Variants in ARID2 observed in about 807,000 individuals in gnomAD.
ARID2 encodes AT-rich interaction domain 2.
Under a neutral mutation model 184.6 loss-of-function variants are expected in ARID2, and 32 were observed. The ratio of observed to expected loss-of-function variants is 0.17; its 90% CI spans 0.13 to 0.23. The LOEUF is 0.23. Among genes scored for constraint, ARID2 ranks in the 10% least tolerant of loss-of-function variants. ARID2 has a pLI of 1.00. For synonymous variants in ARID2, 836 were observed against 772.6 expected (o/e 1.08, Z -1.36); for missense variants, 1,696 against 2,197.6 (o/e 0.77, Z 4.56).
rs955338992 is a variant in ARID2 at position 45,777,043 on chromosome 12, C to T, written c.285-34375C>T. On this transcript the variant is annotated intron_variant, in intron 3 of 20. Coordinates refer to ENST00000334344, the MANE Select transcript of ARID2 (RefSeq NM_152641.4). ...CTGGCCTCAAGTGATCCACCTGCCT[C>T]GGCTTCCCAAAGTGCTGGGATTACA... Among the ~76,000 whole-genome samples, 6 of 151,518 alleles carry T rather than the reference C, an allele frequency of 4.0e-5. 1 individual carries two copies. Among genetic ancestry groups the T allele is most frequent in the Non-Finnish European group, 5.9e-5 (4 of 67,914 alleles).
intron 6 of ARID2, among the ~76,000 whole-genome samples, chr12:45,831,042 CAA>C (rs768114802): frequency 3.4e-4 from 28 of 81,514 alleles, no homozygotes; most frequent in Admixed American, 4.1e-4. Flanking sequence ...GAGACTCTGT[CAA>C]AAAAAAAAAA....
At chr12:45,794,073 T>C (rs972359090) in intron 3 of ARID2, among the ~76,000 whole-genome samples, 2 of 152,206 alleles carry the variant, frequency 1.3e-5, no homozygotes, top group African/African-American at 4.8e-5. Context: ...TTCGAGGGTA[T>C]GTTCCAAGAC....
At position 45,850,616 on chromosome 12, in the gene ARID2, T is replaced by G. The variant is rs920506382; in HGVS notation, c.2493T>G (p.Thr831=). The G allele has an allele frequency of 5.0e-6, 8 of 1,614,032 alleles. No individual in the cohort carries two copies. The highest frequency in any genetic ancestry group is 6.8e-6 in the Non-Finnish European group (8 of 1,180,006). ...LITTSPQPVQ[T]SSQQTSAGSQ... Reference sequence around the variant, plus strand: ...CCACATCACCCCAACCTGTGCAAACTTCATCTCAACAGACATCAGCTGGTA... The same window carrying G: ...CCACATCACCCCAACCTGTGCAAACGTCATCTCAACAGACATCAGCTGGTA... Residue 831 remains threonine, a synonymous_variant, in exon 15 of 21, where the codon ACT becomes ACG. Coordinates refer to ENST00000334344, the MANE Select transcript of ARID2 (RefSeq NM_152641.4).
At chr12:45,825,651 C>A (rs1316987567) in intron 6 of ARID2, among the ~76,000 whole-genome samples, 1 of 151,848 alleles carries the variant, frequency 6.6e-6, no homozygotes, top group Admixed American at 6.6e-5. Context: ...TTGGTTGAGC[C>A]CAAGAGTTCA....
intron 6 of ARID2, among the ~76,000 whole-genome samples, chr12:45,832,104 G>A (rs978738219): frequency 2.6e-5 from 4 of 152,068 alleles, no homozygotes; most frequent in African/African-American, 9.7e-5. Flanking sequence ...TAATGATGTA[G>A]TTGAGTTTAG....
chr12:45,743,833 C>T (rs975761907), intron 3 of ARID2, among the ~76,000 whole-genome samples: 1 of 152,090 alleles, frequency 6.6e-6, no homozygotes, highest in African/African-American at 2.4e-5. Context: ...TTGAACATTT[C>T]TAAAGTTTAT....
intron 3 of ARID2, among the ~76,000 whole-genome samples, chr12:45,762,022 G>A (rs907720334): frequency 6.6e-6 from 1 of 151,816 alleles, no homozygotes; most frequent in African/African-American, 2.4e-5. Context: ...TATTTTTACA[G>A]CCAATATTTT....
At position 45,852,678 on chromosome 12, in the gene ARID2, G is replaced by C. The variant is rs775172499; in HGVS notation, c.4555G>C (p.Ala1519Pro). 1.2e-6 allele frequency: 2 copies of C among 1,614,170 alleles called. No individual in the cohort carries two copies. Among genetic ancestry groups the C allele is most frequent in the South Asian group, 2.2e-5 (2 of 91,082 alleles). ...TAECKTVKRP[A>P]EDTDRETVAG... ...AGAATGCAAAACTGTAAAGAGGCCA[G>C]CAGAGGATACTGATAGGGAAACAGT... The change falls in exon 15 of 21, where the codon GCA becomes CCA. Residue 1519 changes from alanine (A) to proline (P), a missense_variant. By Grantham distance (27) the Ala-to-Pro change is conservative. Coordinates refer to ENST00000334344, the MANE Select transcript of ARID2 (RefSeq NM_152641.4).
chr12:45,763,946 TAGAA>T lies in ARID2; in HGVS notation c.284+32635_284+32638del, dbSNP rs541502747. On this transcript the variant is annotated intron_variant, in intron 3 of 20. Coordinates refer to ENST00000334344, the MANE Select transcript of ARID2 (RefSeq NM_152641.4). ...TTTAATATTTATAGAAAATTGCAAATAGAAAGGATCACTGAAAAGCTGTTTATTC... is the reference window on the plus strand; with the variant it reads ...TTTAATATTTATAGAAAATTGCAAATAGGATCACTGAAAAGCTGTTTATTC... Among the ~76,000 whole-genome samples, 181 of 152,302 alleles carry T rather than the reference TAGAA, an allele frequency of 1.2e-3. 3 individuals carry two copies. The South Asian group carries it at 0.025, about 21-fold the overall frequency.
chr12:45,832,109 G>A (rs1319910691), intron 6 of ARID2, among the ~76,000 whole-genome samples: 1 of 152,086 alleles, frequency 6.6e-6, no homozygotes, highest in Non-Finnish European at 1.5e-5. Flanking sequence ...ATGTAGTTGA[G>A]TTTAGGCTCT....
intron 16 of ARID2, among the ~76,000 whole-genome samples, chr12:45,867,697 C>T (rs970448191): frequency 7.3e-5 from 11 of 150,492 alleles, no homozygotes; most frequent in Non-Finnish European, 1.5e-4. Flanking sequence ...GAGCCCAGAT[C>T]GCGCCACTGC....
chr12:45,756,863 C>T (rs1941581194), intron 3 of ARID2, among the ~76,000 whole-genome samples: 1 of 152,104 alleles, frequency 6.6e-6, no homozygotes, highest in Admixed American at 6.5e-5. Context: ...AGTGCCACTG[C>T]ACTCCAGCCT....
chr12:45,856,970 G>T (rs185385657), intron 15 of ARID2, among the ~76,000 whole-genome samples: 2 of 152,168 alleles, frequency 1.3e-5, no homozygotes, highest in Admixed American at 1.3e-4. Context: ...ATTGGTATCT[G>T]TTGGAAACAT....
intron 6 of ARID2, among the ~76,000 whole-genome samples, chr12:45,831,129 A>T (rs1312817400): frequency 1.3e-5 from 2 of 151,690 alleles, no homozygotes; most frequent in Non-Finnish European, 2.9e-5. Flanking sequence ...GTTTTCATTA[A>T]TTTCTGCTTT....
At chr12:45,896,488 C>T (rs1408690169) in intron 20 of ARID2, among the ~76,000 whole-genome samples, 1 of 152,194 alleles carries the variant, frequency 6.6e-6, no homozygotes, top group African/African-American at 2.4e-5. Flanking sequence ...GAATAAGTCT[C>T]ACGAGATCCG....
intron 16 of ARID2, among the ~76,000 whole-genome samples, chr12:45,866,216 A>G (rs943067371): frequency 3.3e-5 from 5 of 152,150 alleles, no homozygotes; most frequent in African/African-American, 1.2e-4. Flanking sequence ...TTGAATACCA[A>G]TAATTCCCTT....
At chr12:45,843,973 C>T (rs1943398087) in intron 11 of ARID2, among the ~76,000 whole-genome samples, 1 of 152,124 alleles carries the variant, frequency 6.6e-6, no homozygotes, top group Non-Finnish European at 1.5e-5. Flanking sequence ...GTTGAATTTG[C>T]CATGAGTTCG....
chr12:45,734,452 G>T (rs756544112), intron 3 of ARID2, among the ~76,000 whole-genome samples: 2 of 151,960 alleles, frequency 1.3e-5, no homozygotes, highest in African/African-American at 2.4e-5. Flanking sequence ...TTTTCATGTA[G>T]TTCCTTTTCT....
intron 3 of ARID2, among the ~76,000 whole-genome samples, chr12:45,794,725 GGTAACA>G (rs1165226603): frequency 3.3e-5 from 5 of 152,060 alleles, no homozygotes; most frequent in Admixed American, 3.3e-4. Context: ...CTTCCCCGAT[GGTAACA>G]GATTTTTCTT....
Sources: gnomAD v4.1 joint callset for allele counts (sites outside exome capture counted in the v4.1 genomes callset) on GRCh38, gnomAD v4.1.1 for gene constraint, MANE v1.5 for transcripts, NCBI Gene and HGNC (gene_info 2026-07-23, HGNC 2026-07-21) for gene names.